CACNA2D3: variants seen among roughly 807,000 people sequenced by gnomAD.
CACNA2D3 encodes the protein calcium voltage-gated channel auxiliary subunit alpha2delta 3, also known as voltage-dependent calcium channel subunit alpha-2/delta-3.
In CACNA2D3, 60 loss-of-function variants were observed where a neutral mutation model predicts 160.6. That is an observed-to-expected ratio of 0.37 (90% CI 0.30 to 0.46). The LOEUF is 0.46. Among genes scored for constraint, CACNA2D3 ranks in the 20% least tolerant of loss-of-function variants. The probability of loss-of-function intolerance (pLI) is 1.00; values close to 1 mark genes in which losing one functional copy is unlikely to be tolerated. For synonymous variants in CACNA2D3, 558 were observed against 492.9 expected (o/e 1.13, Z -1.75); for missense variants, 1,205 against 1,365.0 (o/e 0.88, Z 1.85).
chr3:54,957,752 A>G (rs998888985), intron 27 of CACNA2D3, among the ~76,000 whole-genome samples: 5 of 152,094 alleles, frequency 3.3e-5, no homozygotes, highest in South Asian at 2.1e-4. Context: ...CCATTGCTCC[A>G]TGCCAGTCCG....
intron 11 of CACNA2D3, among the ~76,000 whole-genome samples, chr3:54,691,963 TTAA>T (rs1700580061): frequency 6.6e-6 from 1 of 151,770 alleles, no homozygotes; most frequent in East Asian, 1.9e-4. Flanking sequence ...GTTAAAGTAA[TTAA>T]TAATATTAAT....
intron 5 of CACNA2D3, among the ~76,000 whole-genome samples, chr3:54,535,861 G>T (rs1701881193): frequency 6.6e-6 from 1 of 152,220 alleles, no homozygotes; most frequent in African/African-American, 2.4e-5. Flanking sequence ...ACTAGAGCCT[G>T]TGCTGGTCAA....
intron 2 of CACNA2D3, among the ~76,000 whole-genome samples, chr3:54,147,136 G>T (rs970070789): frequency 6.6e-6 from 1 of 152,240 alleles, no homozygotes; most frequent in African/African-American, 2.4e-5. Context: ...GAGAGCTGGG[G>T]GTGAGGGGAC....
intron 13 of CACNA2D3, among the ~76,000 whole-genome samples, chr3:54,773,033 G>A (rs1222527632): frequency 2.0e-5 from 3 of 152,202 alleles, no homozygotes; most frequent in Non-Finnish European, 4.4e-5. Flanking sequence ...TCATTATCAA[G>A]CCCTCTTGCC....
intron 3 of CACNA2D3, among the ~76,000 whole-genome samples, chr3:54,346,654 C>T (rs1021380192): frequency 6.6e-6 from 1 of 152,146 alleles, no homozygotes; most frequent in Admixed American, 6.5e-5. Context: ...TAGCCTGGTA[C>T]ATTTGTTGCA....
intron 18 of CACNA2D3, 44 bp from the exon 19 acceptor site, chr3:54,878,974 A>G: frequency 7.9e-7 from 1 of 1,273,046 alleles, no homozygotes; most frequent in South Asian, 1.4e-5. Context: ...AGATTACATG[A>G]TAACCCAGGG....
At position 54,139,943 on chromosome 3, in the gene CACNA2D3, G is replaced by A. The variant is rs539770046; in HGVS notation, c.204+16349G>A. 5.6e-4 allele frequency among the ~76,000 whole-genome samples: 86 copies of A among 152,310 alleles called. 1 individual carries two copies. Among genetic ancestry groups the A allele is most frequent in the African/African-American group, 2.0e-3 (85 of 41,568 alleles). Reference sequence around the variant, plus strand: ...ATAAGCAATGGAGCTGAGGGGTGAGGTTCCTGAAACCGGAAGCTGGCCGTG... The same window carrying A: ...ATAAGCAATGGAGCTGAGGGGTGAGATTCCTGAAACCGGAAGCTGGCCGTG... On this transcript the variant is annotated intron_variant, in intron 2 of 37. Coordinates refer to ENST00000474759, the MANE Select transcript of CACNA2D3 (RefSeq NM_018398.3).
chr3:54,404,385 A>G (rs1488318291), intron 4 of CACNA2D3, among the ~76,000 whole-genome samples: 1 of 152,194 alleles, frequency 6.6e-6, no homozygotes, highest in Non-Finnish European at 1.5e-5. Flanking sequence ...CAAAAACCAC[A>G]CGATCATATA....
At chr3:54,712,337 A>G (rs1700966895) in intron 11 of CACNA2D3, among the ~76,000 whole-genome samples, 4 of 152,154 alleles carry the variant, frequency 2.6e-5, no homozygotes, top group Admixed American at 2.6e-4. Flanking sequence ...TGGAGACGCA[A>G]GGAGAGTAAT....
chr3:54,759,753 G>A (rs1054326160), intron 12 of CACNA2D3, among the ~76,000 whole-genome samples: 8 of 152,220 alleles, frequency 5.3e-5, no homozygotes, highest in African/African-American at 9.6e-5. Context: ...GCTACAATAC[G>A]CAAATAGCCC....
intron 4 of CACNA2D3, among the ~76,000 whole-genome samples, chr3:54,433,957 CCATT>C (rs1217056624): frequency 6.6e-6 from 1 of 152,238 alleles, no homozygotes; most frequent in Non-Finnish European, 1.5e-5. Context: ...AGCATTGCTT[CCATT>C]CCCCCACCTG....
chr3:54,389,417 A>C (rs1315660338), intron 4 of CACNA2D3, among the ~76,000 whole-genome samples: 1 of 152,238 alleles, frequency 6.6e-6, no homozygotes, highest in Non-Finnish European at 1.5e-5. Context: ...TGGATGCTAA[A>C]ATTAGTTGGC....
At chr3:54,556,591 G>A (rs1702245804) in intron 5 of CACNA2D3, among the ~76,000 whole-genome samples, 2 of 152,128 alleles carry the variant, frequency 1.3e-5, no homozygotes, top group African/African-American at 2.4e-5. Context: ...AGCTAATTCA[G>A]TACCTTAAAC....
At chr3:54,169,808 A>C (rs901827222) in intron 2 of CACNA2D3, among the ~76,000 whole-genome samples, 1 of 151,936 alleles carries the variant, frequency 6.6e-6, no homozygotes, top group Non-Finnish European at 1.5e-5. Context: ...AACATTTCCT[A>C]TATAAGGTGG....
intron 27 of CACNA2D3, among the ~76,000 whole-genome samples, chr3:54,913,797 C>T (rs1420050467): frequency 6.6e-6 from 1 of 152,138 alleles, no homozygotes; most frequent in East Asian, 1.9e-4. Flanking sequence ...GATTCCCACT[C>T]CACCATTTAC....
intron 3 of CACNA2D3, among the ~76,000 whole-genome samples, chr3:54,324,347 G>C (rs939444047): frequency 3.3e-5 from 5 of 152,272 alleles, no homozygotes; most frequent in African/African-American, 1.2e-4. Context: ...CTCCCCGTCA[G>C]ATGTCTGAAG....
intron 13 of CACNA2D3, among the ~76,000 whole-genome samples, chr3:54,795,302 G>A (rs1024415215): frequency 1.8e-4 from 28 of 152,050 alleles, no homozygotes; most frequent in African/African-American, 6.5e-4. Flanking sequence ...TTGTGTTCAT[G>A]TTTTCTTTTA....
chr3:55,039,631 C>T (rs1340784894), intron 35 of CACNA2D3, among the ~76,000 whole-genome samples: 1 of 152,140 alleles, frequency 6.6e-6, no homozygotes, highest in African/African-American at 2.4e-5. Context: ...TGATAATTTC[C>T]TTGGGTTCTG....
chr3:54,517,418 G>C (rs957279286), intron 5 of CACNA2D3, among the ~76,000 whole-genome samples: 2 of 152,210 alleles, frequency 1.3e-5, no homozygotes, highest in African/African-American at 4.8e-5. Context: ...TAGTGGTTCA[G>C]ATAGTGAAAC....
Sources: allele counts gnomAD v4.1 joint callset (sites outside exome capture counted in the v4.1 genomes callset), GRCh38; gene constraint gnomAD v4.1.1; transcripts MANE v1.5; gene names NCBI Gene and HGNC (gene_info 2026-07-23, HGNC 2026-07-21).